Variants in LRBA observed in about 807,000 individuals in gnomAD.
LRBA encodes the protein LPS responsive beige-like anchor protein.
In LRBA, 176 loss-of-function variants were observed where a neutral mutation model predicts 330.0. That is an observed-to-expected ratio of 0.53 (90% CI 0.47 to 0.60). The LOEUF (loss-of-function observed/expected upper bound fraction) is 0.60, where lower values mean the gene tolerates loss of function less well. Ranked by LOEUF, LRBA falls within the 20% of genes least tolerant of loss-of-function variation. The pLI is 0.00. For missense variants in LRBA, 3,259 were observed against 3,444.8 expected (o/e 0.95, Z 1.35); for synonymous variants, 1,230 against 1,193.0 (o/e 1.03, Z -0.64).
rs1752978951 is a variant in LRBA at position 150,868,230 on chromosome 4, A to C, written c.2525T>G (p.Phe842Cys). 1 of 1,612,940 alleles carries C rather than the reference A, an allele frequency of 6.2e-7. No individual in the cohort carries two copies. Among genetic ancestry groups the C allele is most frequent in the East Asian group, 2.2e-5 (1 of 44,824 alleles). ...CPESMEVRRA[F>C]LSDMIKLFNN... ...AAAAAGTTTAATCATGTCAGAAAGA[A>C]AGGCTCTGCGAACCTCCATGCTCTC... is the stretch of plus-strand genomic sequence containing the variant. The change falls in exon 21 of 57, where the codon TTT (phenylalanine) becomes TGT (cysteine). Residue 842 changes from phenylalanine (F) to cysteine (C), a missense_variant. Physicochemically the swap from Phe to Cys is radical, Grantham distance 205. Transcript: ENST00000651943.
chr4:150,428,748 A>C (rs185304321), intron 46 of LRBA, among the ~76,000 whole-genome samples: 9 of 152,238 alleles, frequency 5.9e-5, no homozygotes, highest in Admixed American at 2.6e-4. Flanking sequence ...GGCTTATATA[A>C]TTAACTCAAG....
intron 33 of LRBA, among the ~76,000 whole-genome samples, chr4:150,802,073 A>G (rs981902573): frequency 1.7e-4 from 25 of 151,038 alleles, no homozygotes; most frequent in African/African-American, 6.1e-4. Context: ...TTAAAACATT[A>G]GACGAGCATG....
intron 37 of LRBA, among the ~76,000 whole-genome samples, chr4:150,682,745 AT>A (rs1003173262): frequency 6.6e-6 from 1 of 152,118 alleles, no homozygotes; most frequent in Non-Finnish European, 1.5e-5. Flanking sequence ...GTAATTTACT[AT>A]TTTTGTTTTT....
intron 48 of LRBA, among the ~76,000 whole-genome samples, chr4:150,348,058 G>A (rs1250002808): frequency 6.6e-6 from 1 of 152,132 alleles, no homozygotes; most frequent in African/African-American, 2.4e-5. Flanking sequence ...TATGGTTCAT[G>A]GTTTATTAGA....
intron 47 of LRBA, among the ~76,000 whole-genome samples, chr4:150,384,266 G>A (rs1331526006): frequency 2.6e-5 from 4 of 151,892 alleles, no homozygotes; most frequent in Admixed American, 6.6e-5. Context: ...TTGAACTCCC[G>A]ACCTCAGGTG....
intron 37 of LRBA, among the ~76,000 whole-genome samples, chr4:150,666,616 CAGA>C (rs1275173728): frequency 6.6e-6 from 1 of 152,110 alleles, no homozygotes; most frequent in Non-Finnish European, 1.5e-5. Flanking sequence ...GATGATACAG[CAGA>C]AGGATATATG....
intron 37 of LRBA, among the ~76,000 whole-genome samples, chr4:150,671,641 A>C (rs191454692): frequency 6.6e-6 from 1 of 152,352 alleles, no homozygotes; most frequent in African/African-American, 2.4e-5. Flanking sequence ...CAATAGCACA[A>C]GGAGACCTGC....
chr4:150,342,839 AG>A (rs1735768800), intron 48 of LRBA, among the ~76,000 whole-genome samples: 1 of 152,200 alleles, frequency 6.6e-6, no homozygotes, highest in Non-Finnish European at 1.5e-5. Context: ...AGAAGTGAAC[AG>A]AAATAAGTAA....
intron 53 of LRBA, among the ~76,000 whole-genome samples, chr4:150,286,701 G>A (rs928703116): frequency 6.6e-6 from 1 of 152,140 alleles, no homozygotes; most frequent in African/African-American, 2.4e-5. Flanking sequence ...GGTAGAGAAG[G>A]GGGGACAGAG....
At chr4:150,662,084 A>G (rs535695664) in intron 37 of LRBA, among the ~76,000 whole-genome samples, 2 of 152,362 alleles carry the variant, frequency 1.3e-5, no homozygotes, top group South Asian at 4.1e-4. Flanking sequence ...TACAAGAGCA[A>G]GTGTCTAAAA....
rs2126924342 is a variant in LRBA at position 150,852,935 on chromosome 4, A to G, written c.2775T>C (p.Phe925=). The G allele has an allele frequency of 6.4e-7, 1 of 1,556,486 alleles. No homozygotes were observed. The highest frequency in any genetic ancestry group is 8.7e-7 in the Non-Finnish European group (1 of 1,153,244). ...TLSITHSKVT[F]EIHKENLANI... is the part of the protein sequence containing the mutation. ...TGGCAAGGTTTTCTTTGTGTATTTCAAAAGTGACCTAGGTGAAAAATGTAC... is the reference window on the plus strand; with the variant it reads ...TGGCAAGGTTTTCTTTGTGTATTTCGAAAGTGACCTAGGTGAAAAATGTAC... Residue 925 remains phenylalanine, a synonymous_variant, in exon 23 of 57, where the codon TTT becomes TTC. Transcript: ENST00000651943.
At chr4:150,383,390 G>A (rs1318656955) in intron 47 of LRBA, among the ~76,000 whole-genome samples, 1 of 152,064 alleles carries the variant, frequency 6.6e-6, no homozygotes, top group African/African-American at 2.4e-5. Flanking sequence ...GGGACTACAG[G>A]TGTGTAGAAC....
chr4:150,703,077 C>T (rs1785268455), intron 36 of LRBA, among the ~76,000 whole-genome samples: 1 of 152,204 alleles, frequency 6.6e-6, no homozygotes, highest in Non-Finnish European at 1.5e-5. Context: ...GTAAGAATCG[C>T]TTGAACCCTG....
intron 35 of LRBA, among the ~76,000 whole-genome samples, chr4:150,758,004 A>T (rs898901374): frequency 6.6e-6 from 1 of 152,212 alleles, no homozygotes; most frequent in African/African-American, 2.4e-5. Context: ...ATAACAGATG[A>T]TATAAAAATA....
At chr4:150,672,773 G>A (rs113069332) in intron 37 of LRBA, among the ~76,000 whole-genome samples, 10 of 152,242 alleles carry the variant, frequency 6.6e-5, no homozygotes, top group African/African-American at 1.2e-4. Flanking sequence ...TCTAAGCTAC[G>A]TGAGGACAGT....
At chr4:150,445,656 C>T (rs913297382) in intron 44 of LRBA, among the ~76,000 whole-genome samples, 3 of 151,736 alleles carry the variant, frequency 2.0e-5, no homozygotes, top group African/African-American at 4.8e-5. Flanking sequence ...AATATTAAAT[C>T]GTTTTAAAAA....
chr4:150,805,033 A>G (rs1178593819), intron 33 of LRBA, among the ~76,000 whole-genome samples: 12 of 152,126 alleles, frequency 7.9e-5, no homozygotes, highest in Admixed American at 7.9e-4. Flanking sequence ...TCTTCAACTC[A>G]TTATTTAAGA....
intron 16 of LRBA, among the ~76,000 whole-genome samples, chr4:150,894,212 T>C (rs1729808354): frequency 6.6e-6 from 1 of 152,190 alleles, no homozygotes; most frequent in Non-Finnish European, 1.5e-5. Context: ...GCTAAGATAT[T>C]ATGTATCATT....
At chr4:150,290,507 A>G (rs1164564395) in intron 53 of LRBA, among the ~76,000 whole-genome samples, 2 of 152,200 alleles carry the variant, frequency 1.3e-5, no homozygotes, top group Non-Finnish European at 2.9e-5. Flanking sequence ...ATGGCCTTCA[A>G]TAATGCTGAG....
Sources: allele counts gnomAD v4.1 joint callset (sites outside exome capture counted in the v4.1 genomes callset), GRCh38; gene constraint gnomAD v4.1.1; transcripts MANE v1.5; gene names NCBI Gene and HGNC (gene_info 2026-07-23, HGNC 2026-07-21).